Variants in TGFBR2 observed in about 807,000 individuals in gnomAD.
The protein encoded by TGFBR2 is TGF-beta receptor type-2.
TGFBR2 carries 18 observed loss-of-function variants against 49.0 expected under a neutral mutation model. The observed-to-expected ratio is 0.37, with a 90% confidence interval of 0.25 to 0.54. The LOEUF (loss-of-function observed/expected upper bound fraction) is 0.54, where lower values mean the gene tolerates loss of function less well. TGFBR2 is among the 20% of genes least tolerant of loss of function. TGFBR2 has a pLI of 0.85. For synonymous variants in TGFBR2, 282 were observed against 275.9 expected, an observed-to-expected ratio of 1.02 and a Z score of -0.22; for missense variants, 525 against 722.6, an observed-to-expected ratio of 0.73 and a Z score of 3.13.
chr3:30,674,479 TA>T (rs1285832229), intron 5 of TGFBR2, among the ~76,000 whole-genome samples: 2 of 152,354 alleles, frequency 1.3e-5, no homozygotes, highest in African/African-American at 2.4e-5. Flanking sequence ...AACCTTTGTA[TA>T]ATTACTCTTC....
At chr3:30,643,544 C>T (rs1445131044) in intron 1 of TGFBR2, among the ~76,000 whole-genome samples, 3 of 152,152 alleles carry the variant, frequency 2.0e-5, no homozygotes, top group African/African-American at 7.2e-5. Flanking sequence ...GAATGAATAT[C>T]ACATTTATAA....
intron 3 of TGFBR2, among the ~76,000 whole-genome samples, chr3:30,667,470 A>G (rs945751897): frequency 6.6e-6 from 1 of 152,194 alleles, no homozygotes; most frequent in Non-Finnish European, 1.5e-5. Context: ...TGAAGTTTCA[A>G]GATTGACAGA....
chr3:30,672,577 C>G lies in TGFBR2; in HGVS notation c.1254+140C>G. The G allele has an allele frequency of 1.1e-6, 1 of 936,376 alleles. No individual in the cohort carries two copies. Among genetic ancestry groups the G allele is most frequent in the Non-Finnish European group, 1.7e-6 (1 of 584,340 alleles). The allele number at this position is 936,376 out of a possible 1,614,324, so 58.0% of individuals were successfully genotyped here. A position where few individuals can be genotyped will look rare whatever the true frequency, so the allele number is the denominator to read the frequency against. On this transcript the variant is annotated intron_variant, in intron 4 of 6. Coordinates refer to ENST00000295754, the MANE Select transcript of TGFBR2 (RefSeq NM_003242.6). This position sits in a 1 kb window ranked among gnomAD's most constrained non-coding sequence, Gnocchi z 4.5. ...AGGGAATCTAGCCAAAGTATGGAGT[C>G]TGCCTTGAGCATACTCTGCTCTGTC...
chr3:30,621,194 A>G lies in TGFBR2; in HGVS notation c.94+14217A>G, dbSNP rs568332026. ...TGGGAATTCTGGAGCTACCACTGAC[A>G]TCACATTACATAGATTTGGACTGGT... On this transcript the variant is annotated intron_variant, in intron 1 of 6. Transcript: ENST00000295754. 2.0e-5 allele frequency among the ~76,000 whole-genome samples: 3 copies of G among 152,200 alleles called. No individual in the cohort carries two copies. In the South Asian group the frequency reaches 6.2e-4, roughly 32 times the overall value.
rs727503473 is a variant in TGFBR2 at position 30,672,199 on chromosome 3, G to T, written c.1016G>T (p.Arg339Leu). ...GGCAACCTACAGGAGTACCTGACGC[G>T]GCATGTCATCAGCTGGGAGGACCTG... ...AKGNLQEYLT[R>L]HVISWEDLRK... Residue 339 changes from arginine to leucine, a missense_variant, in exon 4 of 7, where the codon CGG becomes CTG. Physicochemically the swap from Arg to Leu is moderately radical, Grantham distance 102. Transcript: ENST00000295754. The surrounding 1 kb of genome is among the most constrained non-coding windows in gnomAD (Gnocchi z 4.5). The T allele has an allele frequency of 1.2e-6, 2 of 1,612,124 alleles. No individual in the cohort carries two copies. The highest frequency in any genetic ancestry group is 1.7e-6 in the Non-Finnish European group (2 of 1,178,206).
rs17025882 is a variant in TGFBR2, at chr3:30,645,247, C to T, written c.263+332C>T. Among the ~76,000 whole-genome samples the T allele has an allele frequency of 1.3e-3, 194 of 152,044 alleles. 1 individual carries two copies. Among genetic ancestry groups the T allele is most frequent in the African/African-American group, 4.2e-3 (174 of 41,470 alleles). ...ATTTGCCGCTTAGTAGTCATTTAAC[C>T]GACACCTCCTCAGCACCCCATAGTG... On this transcript the variant is annotated intron_variant, in intron 2 of 6. Coordinates refer to ENST00000295754, the MANE Select transcript of TGFBR2 (RefSeq NM_003242.6).
intron 1 of TGFBR2, among the ~76,000 whole-genome samples, chr3:30,636,151 A>ATGTGTG (rs757452663): frequency 1.2e-4 from 13 of 106,854 alleles, no homozygotes; most frequent in South Asian, 9.4e-4. Context: ...GAAAATATAT[A>ATGTGTG]TGTATGTGTG....
Position 30,694,090 on chromosome 3 carries a change from G to A in TGFBR2, c.*2491G>A, listed in dbSNP as rs932668855. 8.7e-6 allele frequency: 2 copies of A among 229,448 alleles called. No homozygotes were observed. Among genetic ancestry groups the A allele is most frequent in the Non-Finnish European group, 1.7e-5 (2 of 115,590 alleles). 14.2% of individuals were successfully genotyped at this position (229,448 alleles called of 1,614,324 possible). On this transcript the variant is annotated 3_prime_UTR_variant, in exon 7 of 7. Transcript: ENST00000295754. ...TAAAATGTTTATTAGATTGAATAAA[G>A]CAAAATACTCAGGTGAGCATCCTGC...
chr3:30,650,002 G>A (rs746902289), intron 2 of TGFBR2, among the ~76,000 whole-genome samples: 2 of 152,118 alleles, frequency 1.3e-5, no homozygotes, highest in South Asian at 4.1e-4. Context: ...GGACTGCCCC[G>A]TGGAACGCTG....
intron 1 of TGFBR2, chr3:30,626,419 G>A (rs1575135430): frequency 6.6e-6 from 1 of 152,468 alleles, no homozygotes; most frequent in African/African-American, 2.4e-5. Context: ...CTGGTAGTGG[G>A]GGGAATGGAT....
intron 5 of TGFBR2, among the ~76,000 whole-genome samples, chr3:30,688,109 C>G (rs535419813): frequency 6.6e-6 from 1 of 152,206 alleles, no homozygotes; most frequent in African/African-American, 2.4e-5. Context: ...AGCTCCGTGA[C>G]CCTCTCTATC....
intron 1 of TGFBR2, among the ~76,000 whole-genome samples, chr3:30,630,025 G>T (rs1432876179): frequency 6.6e-6 from 1 of 152,068 alleles, no homozygotes; most frequent in Non-Finnish European, 1.5e-5. Context: ...TCTCATTTTT[G>T]CTTCTCTTTC....
At chr3:30,673,003 A>G (rs985785582) in intron 4 of TGFBR2, among the ~76,000 whole-genome samples, 1 of 152,200 alleles carries the variant, frequency 6.6e-6, no homozygotes, top group Admixed American at 6.5e-5. Context: ...GTTTTTGGCT[A>G]AGAAACTATT....
chr3:30,664,243 C>T (rs767456757), intron 3 of TGFBR2, among the ~76,000 whole-genome samples: 2 of 151,870 alleles, frequency 1.3e-5, no homozygotes, highest in African/African-American at 4.8e-5. Flanking sequence ...CTCAGCCTCA[C>T]GAAGTGCTGG....
chr3:30,653,707 A>G (rs1384492725), intron 3 of TGFBR2, among the ~76,000 whole-genome samples: 1 of 152,218 alleles, frequency 6.6e-6, no homozygotes. Flanking sequence ...ATAATTATGT[A>G]CATCTACCTT....
intron 1 of TGFBR2, among the ~76,000 whole-genome samples, chr3:30,638,313 T>C (rs1698579779): frequency 6.6e-6 from 1 of 152,244 alleles, no homozygotes; most frequent in African/African-American, 2.4e-5. Flanking sequence ...TTTAGAGTAT[T>C]CACTTTGTCA....
At position 30,672,311 on chromosome 3, in the gene TGFBR2, G is replaced by A. The variant is rs1057523953; in HGVS notation, c.1128G>A (p.Val376=). The A allele has an allele frequency of 6.2e-7, 1 of 1,610,902 alleles. No individual in the cohort carries two copies. The highest frequency in any genetic ancestry group is 8.5e-7 in the Non-Finnish European group (1 of 1,178,038). The change falls in exon 4 of 7, where the codon GTG becomes GTA. Residue 376 remains valine (V), a synonymous_variant. Transcript: ENST00000295754. This position sits in a 1 kb window ranked among gnomAD's most constrained non-coding sequence, Gnocchi z 4.5. ...GTGGGAGGCCCAAGATGCCCATCGTGCACAGGGACCTCAAGAGCTCCAATA... is the reference window on the plus strand; with the variant it reads ...GTGGGAGGCCCAAGATGCCCATCGTACACAGGGACCTCAAGAGCTCCAATA... ...TPCGRPKMPI[V]HRDLKSSNIL...
At chr3:30,613,627 C>A (rs536916732) in intron 1 of TGFBR2, among the ~76,000 whole-genome samples, 1 of 152,008 alleles carries the variant, frequency 6.6e-6, no homozygotes, top group Non-Finnish European at 1.5e-5. Context: ...ATGGAGCAGG[C>A]AGGGGGGAGG....
chr3:30,610,771 T>C (rs1258090235), intron 1 of TGFBR2, among the ~76,000 whole-genome samples: 2 of 152,218 alleles, frequency 1.3e-5, no homozygotes, highest in South Asian at 4.1e-4. Flanking sequence ...AATATCAGCT[T>C]CTGTTATTAC....
Sources: gnomAD v4.1 joint callset for allele counts (sites outside exome capture counted in the v4.1 genomes callset) on GRCh38, gnomAD v4.1.1 for gene constraint, Gnocchi (gnomAD v3.1) non-coding constraint, MANE v1.5 for transcripts, NCBI Gene and HGNC (gene_info 2026-07-23, HGNC 2026-07-21) for gene names.